The following AAK1 variants were observed in gnomAD, a reference collection of about 807,000 sequenced individuals.
AAK1 encodes the protein AP2 associated kinase 1.
A neutral mutation model predicts 116.0 loss-of-function variants in AAK1; 37 were observed. The ratio of observed to expected loss-of-function variants is 0.32; its 90% CI spans 0.25 to 0.42. The LOEUF is 0.42. Among genes scored for constraint, AAK1 ranks in the 10% least tolerant of loss-of-function variants. AAK1 has a pLI of 1.00. For synonymous variants in AAK1, 458 were observed against 439.9 expected (o/e 1.04, Z -0.51); for missense variants, 919 against 1,170.6 (o/e 0.79, Z 3.14).
At chr2:69,550,498 T>C (rs1671131984) in intron 3 of AAK1, among the ~76,000 whole-genome samples, 1 of 151,848 alleles carries the variant, frequency 6.6e-6, no homozygotes, top group African/African-American at 2.4e-5. Flanking sequence ...AGAGATGGGG[T>C]TTCACCATGT....
intron 4 of AAK1, among the ~76,000 whole-genome samples, chr2:69,543,194 A>G (rs1670791950): frequency 6.6e-6 from 1 of 152,128 alleles, no homozygotes; most frequent in African/African-American, 2.4e-5. Context: ...AAGATTGATG[A>G]CCTCACTTAC....
chr2:69,482,245 G>A (rs1159852752), intron 18 of AAK1: 5 of 235,172 alleles, frequency 2.1e-5, no homozygotes, highest in Non-Finnish European at 3.3e-5. Flanking sequence ...TCAGCTACTC[G>A]GGAGGCTGAG....
chr2:69,496,711 C>T (rs539026076), intron 16 of AAK1, among the ~76,000 whole-genome samples: 6 of 152,166 alleles, frequency 3.9e-5, no homozygotes, highest in African/African-American at 9.7e-5. Context: ...CCATATCACA[C>T]ATTTTAGCAC....
chr2:69,484,972 G>A (rs1675238477), intron 17 of AAK1, among the ~76,000 whole-genome samples: 1 of 152,014 alleles, frequency 6.6e-6, no homozygotes, highest in Non-Finnish European at 1.5e-5. Context: ...CACTAACCAA[G>A]TATACAAGTG....
chr2:69,531,343 C>T (rs894346563), intron 6 of AAK1, among the ~76,000 whole-genome samples: 6 of 152,142 alleles, frequency 3.9e-5, no homozygotes, highest in African/African-American at 1.2e-4. Context: ...GGCCTTGGGT[C>T]GATCAGGTTC....
In AAK1 at chr2:69,495,981, C is replaced by T. The variant is rs756069836; in HGVS notation, c.2365+4G>A. The T allele has an allele frequency of 1.3e-6, 2 of 1,550,174 alleles. No homozygotes were observed. Among genetic ancestry groups the T allele is most frequent in the African/African-American group, 2.7e-5 (2 of 73,166 alleles). ...TTAACCTCAGAACAGTTCTGTTCAC[C>T]TACCTGGTGCATCAGGTACTTGAAG... On this transcript the variant is annotated splice_donor_region_variant and intron_variant, in intron 17 of 21. Transcript: ENST00000409085.
chr2:69,513,329 T>C (rs1676461477), intron 13 of AAK1, among the ~76,000 whole-genome samples: 1 of 152,038 alleles, frequency 6.6e-6, no homozygotes, highest in East Asian at 1.9e-4. Context: ...TGGTTTCTTT[T>C]TTTTTTTTGA....
chr2:69,632,116 T>C (rs761455457), intron 2 of AAK1, among the ~76,000 whole-genome samples: 10 of 152,324 alleles, frequency 6.6e-5, no homozygotes, highest in Non-Finnish European at 2.9e-5. Context: ...GTGATTAAAT[T>C]CACAGCAAAT....
At position 69,463,824 on chromosome 2, in the gene AAK1, A is replaced by AT. The variant is rs1237698094; in HGVS notation, c.*12044dup. The AT allele has an allele frequency of 6.6e-6, 1 of 151,690 alleles. No homozygotes were observed. The highest frequency in any genetic ancestry group is 1.5e-5 in the Non-Finnish European group (1 of 68,014). The allele number at this position is 151,690 out of a possible 1,614,324, so 9.4% of individuals were successfully genotyped here. On this transcript the variant is annotated 3_prime_UTR_variant, in exon 22 of 22. Coordinates refer to ENST00000409085, the MANE Select transcript of AAK1 (RefSeq NM_014911.5). Reference sequence around the variant, plus strand: ...CCATGCCCAGCCTATTTTTTTATTTATTTTTTGAAGGGACAGGGTCTCGCT... The same window carrying AT: ...CCATGCCCAGCCTATTTTTTTATTTATTTTTTTGAAGGGACAGGGTCTCGCT...
chr2:69,501,937 C>T (rs774023529), intron 16 of AAK1, among the ~76,000 whole-genome samples: 2 of 152,084 alleles, frequency 1.3e-5, no homozygotes, highest in Non-Finnish European at 2.9e-5. Flanking sequence ...CACCACTGCA[C>T]TCCAGCCTAG....
chr2:69,536,153 C>T lies in AAK1; in HGVS notation c.535-3991G>A, dbSNP rs141426491. 2.1e-3 allele frequency among the ~76,000 whole-genome samples: 315 copies of T among 152,284 alleles called. 1 individual carries two copies. The highest frequency in any genetic ancestry group is 7.4e-3 in the African/African-American group (308 of 41,556). On this transcript the variant is annotated intron_variant, in intron 5 of 21. Coordinates refer to ENST00000409085, the MANE Select transcript of AAK1 (RefSeq NM_014911.5). ...CTGCCAGGACCACACCCTCACCCAC[C>T]GTGCTGATGTGCATTGTGCAATTAA...
At chr2:69,527,766 G>A (rs563402844) in intron 8 of AAK1, among the ~76,000 whole-genome samples, 1 of 152,212 alleles carries the variant, frequency 6.6e-6, no homozygotes, top group South Asian at 2.1e-4. Context: ...AATATTAGCT[G>A]GTTTCCAGAT....
intron 2 of AAK1, among the ~76,000 whole-genome samples, chr2:69,575,520 A>G (rs1672276703): frequency 7.4e-6 from 1 of 134,398 alleles, no homozygotes; most frequent in Admixed American, 8.5e-5. Context: ...CCCAGGCTGG[A>G]GTGCAATGGC....
rs1238990935 is a variant in AAK1, at chr2:69,459,627, C to T, written c.*16242G>A. On this transcript the variant is annotated 3_prime_UTR_variant, in exon 22 of 22. Coordinates refer to ENST00000409085, the MANE Select transcript of AAK1 (RefSeq NM_014911.5). Reference sequence around the variant, plus strand: ...CTGAAACTTAACAAGAAACTGTTTACAGCAACAAAGGAAGCAATTAAAGTT... The same window carrying T: ...CTGAAACTTAACAAGAAACTGTTTATAGCAACAAAGGAAGCAATTAAAGTT... 1 of 152,154 alleles carries T rather than the reference C, an allele frequency of 6.6e-6. No homozygotes were observed. The highest frequency in any genetic ancestry group is 1.9e-4 in the East Asian group (1 of 5,196). The allele number at this position is 152,154 out of a possible 1,614,324, so 9.4% of individuals were successfully genotyped here.
Position 69,620,389 on chromosome 2 carries a change from C to T in AAK1, c.163+22489G>A, listed in dbSNP as rs1419963714. On this transcript the variant is annotated intron_variant, in intron 2 of 21. Coordinates refer to ENST00000409085, the MANE Select transcript of AAK1 (RefSeq NM_014911.5). ...TGACCTCCTCTCTCTAGCCTGGTGC[C>T]TCTTCCCATCAGCCTACTGATATGC... 2.0e-5 allele frequency among the ~76,000 whole-genome samples: 3 copies of T among 152,178 alleles called. No homozygotes were observed. The East Asian group carries it at 5.8e-4, about 29-fold the overall frequency.
chr2:69,536,866 T>C (rs1670496203), intron 5 of AAK1, among the ~76,000 whole-genome samples: 1 of 152,224 alleles, frequency 6.6e-6, no homozygotes, highest in Non-Finnish European at 1.5e-5. Flanking sequence ...CCTGTGTTTC[T>C]AAAAATGGGA....
At position 69,497,295 on chromosome 2, in the gene AAK1, C is replaced by CTTTTTTTTT. The variant is rs1176401016; in HGVS notation, c.2270-1224_2270-1216dup. ...CCACATGCAGCTTTACATTATCATTCTTTTTTTTTTTTTTTTTTTTTTTTT... is the reference window on the plus strand; with the variant it reads ...CCACATGCAGCTTTACATTATCATTCTTTTTTTTTTTTTTTTTTTTTTTTTTTTTTTTTT... On this transcript the variant is annotated intron_variant, in intron 16 of 21. Coordinates refer to ENST00000409085, the MANE Select transcript of AAK1 (RefSeq NM_014911.5). Among the ~76,000 whole-genome samples the CTTTTTTTTT allele has an allele frequency of 3.5e-4, 27 of 76,076 alleles. 1 individual carries two copies. Among genetic ancestry groups the CTTTTTTTTT allele is most frequent in the African/African-American group, 4.5e-4 (7 of 15,568 alleles). 49.9% of individuals were successfully genotyped at this position (76,076 alleles called of 152,430 possible).
At chr2:69,517,778 C>CAA (rs899762249) in intron 12 of AAK1, among the ~76,000 whole-genome samples, 17 of 57,524 alleles carry the variant, frequency 3.0e-4, no homozygotes, top group African/African-American at 5.3e-4. Context: ...TGACAAAAAG[C>CAA]AAAAAAAAAA....
chr2:69,480,971 C>G lies in AAK1; in HGVS notation c.2468-10G>C. The G allele has an allele frequency of 6.3e-7, 1 of 1,589,328 alleles. No homozygotes were observed. The highest frequency in any genetic ancestry group is 8.6e-7 in the Non-Finnish European group (1 of 1,167,166). On this transcript the variant is annotated splice_polypyrimidine_tract_variant and intron_variant, in intron 18 of 21. Transcript: ENST00000409085. ...GCAACATCAGCTTTTTCTTTCGTAA[C>G]AGAGCATTAAGAAGAGGAAAGGGTA...
Sources: allele counts gnomAD v4.1 joint callset (sites outside exome capture counted in the v4.1 genomes callset), GRCh38; gene constraint gnomAD v4.1.1; transcripts MANE v1.5; gene names NCBI Gene and HGNC (gene_info 2026-07-23, HGNC 2026-07-21).